Variants in KHDRBS3 observed in about 807,000 individuals in gnomAD.
The protein encoded by KHDRBS3 is KH RNA binding domain containing, signal transduction associated 3.
A neutral mutation model predicts 45.6 loss-of-function variants in KHDRBS3; 23 were observed. The observed-to-expected ratio is 0.50, with a 90% CI of 0.36 to 0.72. The LOEUF (loss-of-function observed/expected upper bound fraction) is 0.72. KHDRBS3 is among the 30% of genes least tolerant of loss of function. The probability of loss-of-function intolerance (pLI) is 0.00; values close to 1 mark genes in which losing one functional copy is unlikely to be tolerated. For synonymous variants in KHDRBS3, 162 were observed against 156.5 expected, an observed-to-expected ratio of 1.04 and a Z score of -0.26; for missense variants, 352 against 424.8, an observed-to-expected ratio of 0.83 and a Z score of 1.51.
At chr8:135,646,907 G>A in intron 8 of KHDRBS3, 86 bp from the exon 9 acceptor site, 1 of 756,362 alleles carries the variant, frequency 1.3e-6, no homozygotes, top group East Asian at 2.5e-5. Context: ...ATGTACCTTT[G>A]GTTCAGGGCT....
chr8:135,647,738 A>G (rs1351172987), downstream of KHDRBS3: 1 of 152,270 alleles, frequency 6.6e-6, no homozygotes, highest in African/African-American at 2.4e-5. Flanking sequence ...TAAACATTGT[A>G]CAACTTATTT....
intron 4 of KHDRBS3, among the ~76,000 whole-genome samples, chr8:135,556,715 C>T (rs983464268): frequency 6.6e-6 from 1 of 152,098 alleles, no homozygotes; most frequent in Middle Eastern, 3.2e-3. Flanking sequence ...TGAACTTTCC[C>T]TTTTTTGTAA....
At chr8:135,572,511 A>G (rs1827751623) in intron 5 of KHDRBS3, among the ~76,000 whole-genome samples, 1 of 152,192 alleles carries the variant, frequency 6.6e-6, no homozygotes, top group Non-Finnish European at 1.5e-5. Flanking sequence ...ACACAGAATA[A>G]AGAAAAGAAA....
At chr8:135,627,937 G>C (rs898954385) in intron 7 of KHDRBS3, among the ~76,000 whole-genome samples, 4 of 152,064 alleles carry the variant, frequency 2.6e-5, no homozygotes, top group Non-Finnish European at 5.9e-5. Context: ...CTTGGCATTC[G>C]GAGTAACTAG....
At chr8:135,570,995 A>G (rs1012649792) in intron 5 of KHDRBS3, among the ~76,000 whole-genome samples, 2 of 152,200 alleles carry the variant, frequency 1.3e-5, no homozygotes, top group African/African-American at 2.4e-5. Flanking sequence ...TGAGAAGACA[A>G]TAACAGAGGC....
At chr8:135,542,807 C>T in intron 3 of KHDRBS3, 37 bp downstream of exon 3, 1 of 1,319,810 alleles carries the variant, frequency 7.6e-7, no homozygotes. Flanking sequence ...AGTTGTGTAT[C>T]ATGTTATATT....
At chr8:135,471,573 C>T (rs1822015603) in intron 1 of KHDRBS3, among the ~76,000 whole-genome samples, 1 of 152,180 alleles carries the variant, frequency 6.6e-6, no homozygotes, top group Admixed American at 6.5e-5. Context: ...GACAAGTGCA[C>T]ACGGCACTGT....
intron 7 of KHDRBS3, among the ~76,000 whole-genome samples, chr8:135,628,754 G>A (rs1830476651): frequency 6.6e-6 from 1 of 152,130 alleles, no homozygotes; most frequent in Non-Finnish European, 1.5e-5. Context: ...TGCTTCCTCT[G>A]AGTAATCTGT....
rs576297929 is a variant in KHDRBS3, at chr8:135,594,741, A to G, written c.808-12214A>G. Among the ~76,000 whole-genome samples, 9 of 152,292 alleles carry G rather than the reference A, an allele frequency of 5.9e-5. No homozygotes were observed. The South Asian group carries it at 1.9e-3, about 32-fold the overall frequency. On this transcript the variant is annotated intron_variant, in intron 6 of 8. Transcript: ENST00000355849. Reference sequence around the variant, plus strand: ...GACTAAAATTAAAAAGGTATTTTGAATTGTGGACTGGGATGTGGCACAATA... The same window carrying G: ...GACTAAAATTAAAAAGGTATTTTGAGTTGTGGACTGGGATGTGGCACAATA...
chr8:135,491,420 G>GA (rs755409281), intron 1 of KHDRBS3, among the ~76,000 whole-genome samples: 31 of 146,996 alleles, frequency 2.1e-4, no homozygotes, highest in East Asian at 9.9e-4. Context: ...AAAAAGGAAA[G>GA]AAAAAAAAAA....
chr8:135,506,562 C>T (rs2130547119), intron 1 of KHDRBS3, among the ~76,000 whole-genome samples: 1 of 152,210 alleles, frequency 6.6e-6, no homozygotes, highest in African/African-American at 2.4e-5. Context: ...CGCCACCACA[C>T]CTGGCTAATT....
intron 1 of KHDRBS3, among the ~76,000 whole-genome samples, chr8:135,488,479 G>A (rs555150742): frequency 1.7e-4 from 26 of 152,134 alleles, no homozygotes; most frequent in Non-Finnish European, 3.7e-4. Flanking sequence ...CAGCTTATTA[G>A]GAGAAACACT....
At chr8:135,596,767 A>G (rs1292733615) in intron 6 of KHDRBS3, among the ~76,000 whole-genome samples, 1 of 152,208 alleles carries the variant, frequency 6.6e-6, no homozygotes, top group Admixed American at 6.5e-5. Context: ...GAAAAGAACT[A>G]AATGGATGGG....
intron 2 of KHDRBS3, among the ~76,000 whole-genome samples, chr8:135,526,124 G>T (rs1046733114): frequency 2.0e-5 from 3 of 152,156 alleles, no homozygotes; most frequent in African/African-American, 7.2e-5. Context: ...TATACAGTAG[G>T]ATATGCCATC....
intron 5 of KHDRBS3, among the ~76,000 whole-genome samples, chr8:135,575,431 C>T (rs199872770): frequency 2.6e-5 from 4 of 152,210 alleles, no homozygotes; most frequent in South Asian, 4.1e-4. Flanking sequence ...CTTATGGCTA[C>T]GCTTTTCTTA....
At chr8:135,608,929 A>G (rs1311861286) in intron 7 of KHDRBS3, among the ~76,000 whole-genome samples, 1 of 152,198 alleles carries the variant, frequency 6.6e-6, no homozygotes, top group Non-Finnish European at 1.5e-5. Context: ...TATAAAAGAT[A>G]AAAAGTGGTA....
At chr8:135,498,122 A>G (rs1823551646) in intron 1 of KHDRBS3, among the ~76,000 whole-genome samples, 1 of 152,086 alleles carries the variant, frequency 6.6e-6, no homozygotes, top group Non-Finnish European at 1.5e-5. Flanking sequence ...AGACATTCTC[A>G]ACCTCAGAGA....
chr8:135,643,777 G>T (rs1831167397), intron 7 of KHDRBS3, among the ~76,000 whole-genome samples: 1 of 152,186 alleles, frequency 6.6e-6, no homozygotes, highest in Non-Finnish European at 1.5e-5. Context: ...ATGCAATTTA[G>T]CCTGGCTTCT....
chr8:135,511,805 G>A lies in KHDRBS3; in HGVS notation c.89-9432G>A, dbSNP rs111886196. Among the ~76,000 whole-genome samples, 656 of 152,202 alleles carry A rather than the reference G, an allele frequency of 4.3e-3. 12 individuals are homozygous for A. Among genetic ancestry groups the A allele is most frequent in the African/African-American group, 0.014 (593 of 41,532 alleles). The stretch of plus-strand genomic sequence containing the variant: ...GATCTCCTGACCTCGTAATCCGCCC[G>A]TCTCGGCCTCCCAAAGTGCTAGGAT... On this transcript the variant is annotated intron_variant, in intron 1 of 8. Coordinates refer to ENST00000355849, the MANE Select transcript of KHDRBS3 (RefSeq NM_006558.3).
Sources: allele counts gnomAD v4.1 joint callset (sites outside exome capture counted in the v4.1 genomes callset), GRCh38; gene constraint gnomAD v4.1.1; transcripts MANE v1.5; gene names NCBI Gene and HGNC (gene_info 2026-07-23, HGNC 2026-07-21).